Variants in NTNG1 observed in about 807,000 individuals in gnomAD.
NTNG1 encodes netrin-G1.
A neutral mutation model predicts 54.0 loss-of-function variants in NTNG1; 16 were observed. The ratio of observed to expected loss-of-function variants is 0.30; its 90% confidence interval spans 0.20 to 0.45. The LOEUF is 0.45. Among genes scored for constraint, NTNG1 ranks in the 20% least tolerant of loss-of-function variants. The pLI is 1.00. For synonymous variants in NTNG1, 255 were observed against 263.1 expected, an observed-to-expected ratio of 0.97 and a Z score of 0.30; for missense variants, 530 against 678.7, an observed-to-expected ratio of 0.78 and a Z score of 2.43.
At chr1:107,421,406 G>A (rs977236910) in intron 5 of NTNG1, among the ~76,000 whole-genome samples, 1 of 152,044 alleles carries the variant, frequency 6.6e-6, no homozygotes, top group African/African-American at 2.4e-5. Context: ...AATGGTTGAG[G>A]TTCCTGTTTA....
chr1:107,311,920 T>C (rs938643984), intron 2 of NTNG1, among the ~76,000 whole-genome samples: 4 of 152,140 alleles, frequency 2.6e-5, no homozygotes, highest in African/African-American at 7.2e-5. Context: ...AACTAAAACG[T>C]ATGTTCAGAG....
At chr1:107,413,043 G>A (rs550875885) in intron 5 of NTNG1, among the ~76,000 whole-genome samples, 123 of 152,230 alleles carry the variant, frequency 8.1e-4, no homozygotes, top group African/African-American at 4.6e-4. Context: ...TAGTTGCTGC[G>A]AAGATGGTAA....
chr1:107,361,485 G>A (rs1670301832), intron 3 of NTNG1, among the ~76,000 whole-genome samples: 1 of 149,144 alleles, frequency 6.7e-6, no homozygotes, highest in Admixed American at 6.8e-5. Context: ...TGCCTCCTGG[G>A]TCAAGCAATT....
intron 2 of NTNG1, among the ~76,000 whole-genome samples, chr1:107,167,385 A>G (rs1180805907): frequency 6.6e-6 from 1 of 151,910 alleles, no homozygotes; most frequent in East Asian, 1.9e-4. Context: ...ATGATTTATT[A>G]TTATCAGTGT....
At chr1:107,155,162 TTTTTG>T (rs1166119228) in intron 2 of NTNG1, among the ~76,000 whole-genome samples, 1 of 152,010 alleles carries the variant, frequency 6.6e-6, no homozygotes, top group Non-Finnish European at 1.5e-5. Context: ...TTTTCTTTGA[TTTTTG>T]TTTTGTTTTG....
In NTNG1 at chr1:107,295,720, GTA is replaced by G. The variant is rs531794918; in HGVS notation, c.247-28549_247-28548del. Among the ~76,000 whole-genome samples, 21 of 150,854 alleles carry G rather than the reference GTA, an allele frequency of 1.4e-4. 1 individual carries two copies. In the East Asian group the frequency reaches 2.7e-3, roughly 20 times the overall value. ...AGCTATTGTTATGAATGCATAGAAA[GTA>G]TATATATATATACACATACATATAT... On this transcript the variant is annotated intron_variant, in intron 2 of 7. Coordinates refer to ENST00000370068, the MANE Select transcript of NTNG1 (RefSeq NM_001113226.3).
intron 2 of NTNG1, among the ~76,000 whole-genome samples, chr1:107,235,578 C>T (rs1047950117): frequency 6.6e-6 from 1 of 152,176 alleles, no homozygotes; most frequent in African/African-American, 2.4e-5. Context: ...GTGAAGCTTC[C>T]ATCATTGCTG....
At position 107,447,373 on chromosome 1, in the gene NTNG1, C is replaced by A. The variant is rs1044386059; in HGVS notation, c.1390+10574C>A. 1.3e-5 allele frequency among the ~76,000 whole-genome samples: 2 copies of A among 152,146 alleles called. 1 individual carries two copies. The highest frequency in any genetic ancestry group is 2.9e-5 in the Non-Finnish European group (2 of 67,968). On this transcript the variant is annotated intron_variant, in intron 7 of 7. Coordinates refer to ENST00000370068, the MANE Select transcript of NTNG1 (RefSeq NM_001113226.3). ...ATAACTTGACAATTTATTAGTGATG[C>A]AATGTCAGAGGCCACCATCACTGCA...
At chr1:107,222,326 T>G (rs1180205601) in intron 2 of NTNG1, among the ~76,000 whole-genome samples, 1 of 152,172 alleles carries the variant, frequency 6.6e-6, no homozygotes, top group Non-Finnish European at 1.5e-5. Flanking sequence ...TTGAGAGATA[T>G]GTATAAACCT....
chr1:107,150,870 A>C (rs1038357371), intron 2 of NTNG1, among the ~76,000 whole-genome samples: 1 of 152,232 alleles, frequency 6.6e-6, no homozygotes, highest in African/African-American at 2.4e-5. Context: ...CTCTCAGTCC[A>C]TTGGCTAAGT....
intron 3 of NTNG1, among the ~76,000 whole-genome samples, chr1:107,359,921 T>C (rs757460772): frequency 5.9e-5 from 9 of 152,226 alleles, no homozygotes; most frequent in South Asian, 2.1e-4. Flanking sequence ...GTGTAACTTA[T>C]GTAAACCCAA....
chr1:107,440,759 G>A (rs1357696458), intron 7 of NTNG1, among the ~76,000 whole-genome samples: 5 of 152,124 alleles, frequency 3.3e-5, no homozygotes, highest in Non-Finnish European at 7.3e-5. Flanking sequence ...TGACCCCAAA[G>A]CAATTATGGG....
At chr1:107,275,706 G>A (rs533351583) in intron 2 of NTNG1, among the ~76,000 whole-genome samples, 7 of 152,340 alleles carry the variant, frequency 4.6e-5, no homozygotes, top group Non-Finnish European at 8.8e-5. Context: ...CAGCCTTTAT[G>A]TTCTATTCAC....
At chr1:107,313,378 G>A (rs1667137168) in intron 2 of NTNG1, among the ~76,000 whole-genome samples, 2 of 152,064 alleles carry the variant, frequency 1.3e-5, no homozygotes, top group South Asian at 4.2e-4. Context: ...AAGAGGAAAA[G>A]TTAACTTTTC....
chr1:107,395,048 G>A (rs1423541023), intron 3 of NTNG1, 106 bp from the exon 4 acceptor site: 2 of 834,176 alleles, frequency 2.4e-6, no homozygotes, highest in Admixed American at 4.5e-5. Flanking sequence ...ATGCCTCTGT[G>A]TATCACTAAA....
chr1:107,398,194 C>T (rs375462141), intron 4 of NTNG1, among the ~76,000 whole-genome samples: 2 of 152,026 alleles, frequency 1.3e-5, no homozygotes, highest in African/African-American at 2.4e-5. Flanking sequence ...AATAGGATGA[C>T]GAGTTAGTGG....
intron 3 of NTNG1, among the ~76,000 whole-genome samples, chr1:107,343,120 C>T (rs1329085876): frequency 6.6e-6 from 1 of 152,098 alleles, no homozygotes; most frequent in South Asian, 2.1e-4. Flanking sequence ...TGTCACATAG[C>T]TTCCTAATAA....
chr1:107,188,955 A>G (rs1396627954), intron 2 of NTNG1, among the ~76,000 whole-genome samples: 1 of 152,092 alleles, frequency 6.6e-6, no homozygotes, highest in Non-Finnish European at 1.5e-5. Context: ...AATCAATGGA[A>G]TTTTTCAGAG....
intron 4 of NTNG1, among the ~76,000 whole-genome samples, chr1:107,397,453 A>G (rs1419120956): frequency 2.6e-5 from 4 of 152,172 alleles, no homozygotes; most frequent in African/African-American, 9.6e-5. Flanking sequence ...CACAGACTCC[A>G]GGCTGGAATC....
Sources: allele counts gnomAD v4.1 joint callset (sites outside exome capture counted in the v4.1 genomes callset), GRCh38; gene constraint gnomAD v4.1.1; transcripts MANE v1.5; gene names NCBI Gene and HGNC (gene_info 2026-07-23, HGNC 2026-07-21).